RTN4: variants seen among roughly 807,000 people sequenced by gnomAD.
RTN4 encodes reticulon-4.
RTN4 carries 32 observed loss-of-function variants against 90.4 expected under a neutral mutation model. The ratio of observed to expected loss-of-function variants is 0.35; its 90% CI spans 0.27 to 0.48. RTN4 has a LOEUF of 0.48. Among genes scored for constraint, RTN4 ranks in the 20% least tolerant of loss-of-function variants. RTN4 has a pLI of 0.99. For missense variants in RTN4, 1,706 were observed against 1,430.2 expected (o/e 1.19, Z -3.11); for synonymous variants, 629 against 552.5 (o/e 1.14, Z -1.94).
intron 2 of RTN4, among the ~76,000 whole-genome samples, chr2:55,070,544 T>TC (rs1553449981): frequency 2.6e-5 from 1 of 38,518 alleles, no homozygotes; most frequent in Non-Finnish European, 4.5e-5. Context: ...AGACTCTGTC[T>TC]CAAAAAAAAA....
In RTN4 at chr2:55,104,227, C is replaced by A. The variant is rs564350245; in HGVS notation, c.-214+8293G>T. On this transcript the variant is annotated intron_variant, in intron 1 of 3. Coordinates refer to the RTN4 transcript ENST00000427710. ...CACCACACACGGCTAATCTTTTTTGCTTTTTTTTAAGTAGAGACAGGGTTT... is the reference window on the plus strand; with the variant it reads ...CACCACACACGGCTAATCTTTTTTGATTTTTTTTAAGTAGAGACAGGGTTT... 4.8e-5 allele frequency among the ~76,000 whole-genome samples: 7 copies of A among 147,058 alleles called. No homozygotes were observed. In the East Asian group the frequency reaches 1.5e-3, roughly 31 times the overall value.
At chr2:55,086,294 T>C (rs966810744) in intron 1 of RTN4, among the ~76,000 whole-genome samples, 1 of 152,116 alleles carries the variant, frequency 6.6e-6, no homozygotes, top group Non-Finnish European at 1.5e-5. Flanking sequence ...CTAACTCAGA[T>C]TATAAGTTTA....
At position 54,974,679 on chromosome 2, in the gene RTN4, G is replaced by T. The variant is rs202012072; in HGVS notation, c.3430+16C>A. The T allele has an allele frequency of 6.3e-7, 1 of 1,594,682 alleles. No homozygotes were observed. The highest frequency in any genetic ancestry group is 8.6e-7 in the Non-Finnish European group (1 of 1,162,702). On this transcript the variant is annotated intron_variant, in intron 6 of 8. Coordinates refer to ENST00000337526, the MANE Select transcript of RTN4 (RefSeq NM_020532.5). ...CTTTCCAGCAATTTTTCATCCCAAT[G>T]GCTTTGTAGACTTACCCAAAATCAG...
At chr2:55,102,154 T>C (rs1437433574) in intron 1 of RTN4, among the ~76,000 whole-genome samples, 1 of 152,132 alleles carries the variant, frequency 6.6e-6, no homozygotes, top group Non-Finnish European at 1.5e-5. Flanking sequence ...ATCCAAATCA[T>C]GCCTAAATCA....
chr2:55,034,868 A>G (rs916969210), intron 1 of RTN4, among the ~76,000 whole-genome samples: 1 of 152,218 alleles, frequency 6.6e-6, no homozygotes, highest in African/African-American at 2.4e-5. Flanking sequence ...GGATGAAAAT[A>G]GTATATGAAA....
intron 1 of RTN4, among the ~76,000 whole-genome samples, chr2:55,039,752 C>G (rs1211564265): frequency 1.3e-5 from 2 of 152,160 alleles, no homozygotes; most frequent in African/African-American, 2.4e-5. Flanking sequence ...GCACTCCAGC[C>G]TGGGTGACAA....
chr2:55,125,585 G>C, the RTN4 span, among the ~76,000 whole-genome samples: 12 of 152,166 alleles, frequency 7.9e-5, no homozygotes. Context: ...GGCCAACGTG[G>C]TGAAACCTTG....
At chr2:55,134,863 G>A in the RTN4 span, among the ~76,000 whole-genome samples, 7 of 152,130 alleles carry the variant, frequency 4.6e-5, no homozygotes, top group Admixed American at 3.3e-4. Flanking sequence ...AATTCTGATC[G>A]GGGCTTCACT....
chr2:55,011,467 G>A (rs899997753), intron 3 of RTN4, among the ~76,000 whole-genome samples: 4 of 152,146 alleles, frequency 2.6e-5, no homozygotes, highest in Non-Finnish European at 4.4e-5. Context: ...ACTTATATCT[G>A]CCTAAGCAGA....
intron 1 of RTN4, among the ~76,000 whole-genome samples, chr2:55,034,624 T>A (rs995073269): frequency 6.6e-6 from 1 of 152,298 alleles, no homozygotes; most frequent in East Asian, 1.9e-4. Flanking sequence ...AAATGTTAAA[T>A]CAAGTTCTTC....
At chr2:55,041,218 T>C (rs2104940495) in intron 1 of RTN4, among the ~76,000 whole-genome samples, 1 of 152,160 alleles carries the variant, frequency 6.6e-6, no homozygotes, top group African/African-American at 2.4e-5. Flanking sequence ...TTTTTAAAAG[T>C]CTCTAGTTCA....
chr2:55,049,622 C>G (rs765333981), intron 1 of RTN4, 123 bp downstream of exon 1: 268 of 1,486,532 alleles, frequency 1.8e-4, no homozygotes, highest in Non-Finnish European at 2.3e-4. Flanking sequence ...GCCATCGCCC[C>G]GAAGTCCGCA....
chr2:55,061,497 A>G (rs1172727785), intron 2 of RTN4, among the ~76,000 whole-genome samples: 1 of 152,222 alleles, frequency 6.6e-6, no homozygotes, highest in African/African-American at 2.4e-5. Flanking sequence ...TATCCAAACC[A>G]GGATCCAACT....
intron 3 of RTN4, among the ~76,000 whole-genome samples, chr2:54,996,112 T>G (rs1573331877): frequency 2.0e-5 from 3 of 152,116 alleles, no homozygotes; most frequent in Admixed American, 6.5e-5. Flanking sequence ...CCATTTGTAA[T>G]AGCATAGAAA....
the RTN4 span, among the ~76,000 whole-genome samples, chr2:55,135,778 T>C: frequency 1.3e-5 from 2 of 152,146 alleles, no homozygotes; most frequent in Admixed American, 6.6e-5. Flanking sequence ...GCATATGGAG[T>C]TTGCATTTGC....
Position 55,077,175 on chromosome 2 carries a change from G to A in RTN4, c.-63+3314C>T, listed in dbSNP as rs149152918. 7.7e-3 allele frequency among the ~76,000 whole-genome samples: 1,174 copies of A among 151,996 alleles called. 17 individuals are homozygous for A. Among genetic ancestry groups the A allele is most frequent in the African/African-American group, 0.027 (1,121 of 41,448 alleles). On this transcript the variant is annotated intron_variant, in intron 2 of 3. Transcript: ENST00000427710. ...CTACAGGCACCCACCATCATGCCCT[G>A]CTAATTTTTTTGTATTTTTAATAGA...
intron 1 of RTN4, among the ~76,000 whole-genome samples, chr2:55,036,087 A>G (rs757757209): frequency 2.6e-5 from 4 of 152,202 alleles, no homozygotes; most frequent in Non-Finnish European, 5.9e-5. Context: ...AAAAGCAAAC[A>G]CTTCCCATAA....
At chr2:54,979,686 T>C (rs1313110002) in intron 5 of RTN4, among the ~76,000 whole-genome samples, 3 of 152,310 alleles carry the variant, frequency 2.0e-5, no homozygotes, top group Non-Finnish European at 2.9e-5. Flanking sequence ...ATTATCAGAG[T>C]GTGCACCTGA....
At chr2:55,115,283 T>C (rs1198285658), upstream of RTN4, among the ~76,000 whole-genome samples, 1 of 152,206 alleles carries the variant, frequency 6.6e-6, no homozygotes, top group Non-Finnish European at 1.5e-5. Flanking sequence ...TTCTATGCCT[T>C]TTCTGGCTTC....
Sources: gnomAD v4.1 joint callset for allele counts (sites outside exome capture counted in the v4.1 genomes callset) on GRCh38, gnomAD v4.1.1 for gene constraint, MANE v1.5 for transcripts, NCBI Gene and HGNC (gene_info 2026-07-23, HGNC 2026-07-21) for gene names.